The following TRPM3 variants were observed in gnomAD, a reference collection of about 807,000 sequenced individuals.
TRPM3 encodes transient receptor potential cation channel subfamily M member 3.
In TRPM3, 77 loss-of-function variants were observed where a neutral mutation model predicts 181.2. The observed-to-expected ratio is 0.42, with a 90% CI of 0.35 to 0.51. The LOEUF (loss-of-function observed/expected upper bound fraction) is 0.51. Ranked by LOEUF, TRPM3 falls within the 20% of genes least tolerant of loss-of-function variation. The pLI is 0.01. For synonymous variants in TRPM3, 745 were observed against 796.4 expected (o/e 0.94, Z 1.09); for missense variants, 1,759 against 2,196.7 (o/e 0.80, Z 3.98).
At chr9:70,660,159 TA>T (rs1014495345) in intron 9 of TRPM3, among the ~76,000 whole-genome samples, 1 of 152,060 alleles carries the variant, frequency 6.6e-6, no homozygotes, top group Admixed American at 6.6e-5. Context: ...CAAAAGATTT[TA>T]AAAAAGAAAA....
chr9:71,021,825 T>C (rs1460759264), intron 1 of TRPM3, among the ~76,000 whole-genome samples: 1 of 151,984 alleles, frequency 6.6e-6, no homozygotes, highest in Non-Finnish European at 1.5e-5. Flanking sequence ...GAAGAAGGAA[T>C]AGAGATGAAC....
chr9:71,402,032 T>G (rs2093349648), intron 1 of TRPM3, among the ~76,000 whole-genome samples: 1 of 152,192 alleles, frequency 6.6e-6, no homozygotes, highest in Admixed American at 6.5e-5. Flanking sequence ...GTATCAGAAG[T>G]GTTTCTGCCA....
chr9:70,815,288 A>G (rs1220951960), intron 6 of TRPM3, among the ~76,000 whole-genome samples: 1 of 152,168 alleles, frequency 6.6e-6, no homozygotes, highest in East Asian at 1.9e-4. Context: ...TAATTTGTTT[A>G]GTTGCTTACT....
At chr9:70,885,189 A>T (rs1359785619) in intron 1 of TRPM3, among the ~76,000 whole-genome samples, 1 of 152,192 alleles carries the variant, frequency 6.6e-6, no homozygotes, top group Non-Finnish European at 1.5e-5. Flanking sequence ...ATCTTCTTAA[A>T]GCAGGATTTC....
At chr9:71,023,158 A>T (rs1324615617) in intron 1 of TRPM3, among the ~76,000 whole-genome samples, 4 of 152,322 alleles carry the variant, frequency 2.6e-5, no homozygotes, top group Non-Finnish European at 4.4e-5. Context: ...AAAAATAAAC[A>T]ATTCAATTAG....
chr9:71,050,044 G>A (rs2059896251), intron 1 of TRPM3, among the ~76,000 whole-genome samples: 3 of 152,080 alleles, frequency 2.0e-5, no homozygotes. Context: ...CTTCTTGCAG[G>A]TTATTATGGA....
chr9:71,353,005 C>T (rs1326186633), intron 1 of TRPM3, among the ~76,000 whole-genome samples: 2 of 152,100 alleles, frequency 1.3e-5, no homozygotes, highest in Admixed American at 6.6e-5. Context: ...AGGTCCCATC[C>T]CACACCAACC....
At chr9:71,117,004 G>C (rs2072541847) in intron 1 of TRPM3, among the ~76,000 whole-genome samples, 1 of 152,060 alleles carries the variant, frequency 6.6e-6, no homozygotes, top group South Asian at 2.1e-4. Flanking sequence ...TCCTTCTCAG[G>C]ATCTTAATTC....
At chr9:70,918,757 A>G (rs1375639694) in intron 1 of TRPM3, among the ~76,000 whole-genome samples, 1 of 152,226 alleles carries the variant, frequency 6.6e-6, no homozygotes, top group Non-Finnish European at 1.5e-5. Flanking sequence ...AAGAAAAGAA[A>G]TAATAAAGAT....
intron 9 of TRPM3, among the ~76,000 whole-genome samples, chr9:70,641,313 T>G (rs1427486814): frequency 1.3e-5 from 2 of 152,208 alleles, no homozygotes; most frequent in Non-Finnish European, 2.9e-5. Context: ...CACTCAAGTT[T>G]GAGAAACTCT....
intron 1 of TRPM3, among the ~76,000 whole-genome samples, chr9:71,118,372 G>C (rs2072895488): frequency 6.6e-6 from 1 of 152,186 alleles, no homozygotes; most frequent in African/African-American, 2.4e-5. Context: ...TCATACTTCA[G>C]ATATCGGCCT....
chr9:70,832,001 A>ATATTTATATATATATATATATTTAT (rs1564497915), intron 5 of TRPM3, among the ~76,000 whole-genome samples: 1 of 126,066 alleles, frequency 7.9e-6, no homozygotes, highest in African/African-American at 2.9e-5. Flanking sequence ...ATATATACCT[A>ATATTTATATATATATATATATTTAT]CTATGTACCC....
intron 8 of TRPM3, among the ~76,000 whole-genome samples, chr9:70,752,054 G>GCA (rs1439378058): frequency 8.0e-5 from 5 of 62,248 alleles, no homozygotes; most frequent in South Asian, 1.5e-3. Context: ...GTGTGTGCGC[G>GCA]CGCGCGCGCA....
chr9:70,617,937 C>T (rs2063038481), intron 17 of TRPM3, among the ~76,000 whole-genome samples: 1 of 152,230 alleles, frequency 6.6e-6, no homozygotes. Context: ...TGCACTCCAG[C>T]CTGGGTGACA....
At chr9:70,794,013 T>C (rs2086341621) in intron 6 of TRPM3, among the ~76,000 whole-genome samples, 3 of 152,170 alleles carry the variant, frequency 2.0e-5, no homozygotes, top group African/African-American at 7.2e-5. Context: ...ATCGTTTGAT[T>C]GGACATAACC....
chr9:70,934,084 T>C (rs1310777219), intron 1 of TRPM3, among the ~76,000 whole-genome samples: 2 of 152,206 alleles, frequency 1.3e-5, no homozygotes, highest in Non-Finnish European at 2.9e-5. Context: ...TCTTTAAACT[T>C]ACTCCATCAA....
intron 1 of TRPM3, among the ~76,000 whole-genome samples, chr9:71,412,896 C>T (rs2093579409): frequency 6.6e-6 from 1 of 152,162 alleles, no homozygotes; most frequent in African/African-American, 2.4e-5. Context: ...GGCACATATA[C>T]ACCATGGAAT....
intron 1 of TRPM3, among the ~76,000 whole-genome samples, chr9:71,270,265 G>A (rs1295088873): frequency 3.9e-5 from 6 of 152,142 alleles, no homozygotes; most frequent in Admixed American, 6.5e-5. Flanking sequence ...CAGAAGAATC[G>A]CTTGAACCTG....
intron 1 of TRPM3, among the ~76,000 whole-genome samples, chr9:70,927,226 A>G (rs891927174): frequency 2.6e-5 from 4 of 152,202 alleles, no homozygotes; most frequent in African/African-American, 9.6e-5. Context: ...TCTTATATAG[A>G]AGGTTTGGAG....
Sources: gnomAD v4.1 joint callset for allele counts (sites outside exome capture counted in the v4.1 genomes callset) on GRCh38, gnomAD v4.1.1 for gene constraint, MANE v1.5 for transcripts, NCBI Gene and HGNC (gene_info 2026-07-23, HGNC 2026-07-21) for gene names.